Variants in BIRC6 observed in about 807,000 individuals in gnomAD.
BIRC6 encodes dual E2 ubiquitin-conjugating enzyme/E3 ubiquitin-protein ligase BIRC6.
Under a neutral mutation model 503.3 loss-of-function variants are expected in BIRC6, and 98 were observed. The ratio of observed to expected loss-of-function variants is 0.19; its 90% CI spans 0.17 to 0.23. BIRC6 has a LOEUF of 0.23. Among genes scored for constraint, BIRC6 ranks in the 10% least tolerant of loss-of-function variants. BIRC6 has a pLI of 1.00. For missense variants in BIRC6, 5,360 were observed against 5,806.0 expected (o/e 0.92, Z 2.50); for synonymous variants, 2,240 against 2,078.7 (o/e 1.08, Z -2.11).
intron 6 of BIRC6, among the ~76,000 whole-genome samples, chr2:32,399,147 G>A (rs767237595): frequency 2.0e-5 from 3 of 151,644 alleles, no homozygotes; most frequent in South Asian, 2.1e-4. Context: ...GTGCAGTGGC[G>A]CGATCTTGGT....
At position 32,508,232 on chromosome 2, in the gene BIRC6, C is replaced by T; in HGVS notation, c.9953C>T (p.Pro3318Leu). 6.3e-7 allele frequency: 1 copy of T among 1,597,562 alleles called. No homozygotes were observed. Among genetic ancestry groups the T allele is most frequent in the Non-Finnish European group, 8.5e-7 (1 of 1,172,880 alleles). Residue 3318 changes from proline to leucine, a missense_variant, in exon 51 of 74, where the codon CCA (proline) becomes CTA (leucine). Pro to Leu is a moderately conservative substitution (Grantham distance 98, BLOSUM62 -3). Around this residue, in one of 16 missense-constraint regions of BIRC6, gnomAD observed 62 missense variants for 107.4 expected, o/e 0.58. Coordinates refer to ENST00000421745, the MANE Select transcript of BIRC6 (RefSeq NM_016252.4). ...SSATVNNPFL[P>L]SEDQVSKTSI... ...GCAACAGTTAATAATCCATTCCTTC[C>T]ATCTGAAGATCAGGTATCCAAAACA...
At position 32,433,715 on chromosome 2, in the gene BIRC6, A is replaced by C. The variant is rs2044380980; in HGVS notation, c.3320A>C (p.Lys1107Thr). Residue 1107 changes from lysine to threonine, a missense_variant, in exon 13 of 74, where the codon AAA (lysine) becomes ACA (threonine). Lys to Thr is a moderately conservative substitution (Grantham distance 78). Transcript: ENST00000421745. The stretch of plus-strand genomic sequence containing the variant: ...TGTATGGTTGGACATGTGGACTTCA[A>C]ATTCGTTTTGAACTCAAACATCACC... The part of the protein sequence containing the change: ...KACMVGHVDF[K>T]FVLNSNITNI... 1 of 1,606,572 alleles carries C rather than the reference A, an allele frequency of 6.2e-7. No individual in the cohort carries two copies. Among genetic ancestry groups the C allele is most frequent in the Non-Finnish European group, 8.5e-7 (1 of 1,174,764 alleles).
intron 9 of BIRC6, among the ~76,000 whole-genome samples, chr2:32,408,663 C>T (rs1188213587): frequency 6.6e-6 from 1 of 152,026 alleles, no homozygotes; most frequent in African/African-American, 2.4e-5. Context: ...TTCATCTATG[C>T]CTGTTTGATT....
chr2:32,605,363 T>A (rs2062375941), intron 71 of BIRC6, among the ~76,000 whole-genome samples: 1 of 152,170 alleles, frequency 6.6e-6, no homozygotes, highest in Non-Finnish European at 1.5e-5. Flanking sequence ...TATAAAACCA[T>A]ATTGTGTCTC....
chr2:32,573,159 C>G (rs902254747), intron 65 of BIRC6, among the ~76,000 whole-genome samples: 2 of 152,104 alleles, frequency 1.3e-5, no homozygotes, highest in African/African-American at 2.4e-5. Context: ...TTCTTTACTG[C>G]TTATTCCCAG....
intron 66 of BIRC6, among the ~76,000 whole-genome samples, chr2:32,584,100 C>T (rs1045435797): frequency 3.9e-5 from 6 of 152,104 alleles, no homozygotes; most frequent in African/African-American, 1.4e-4. Context: ...AGGCTGGGTG[C>T]GGTGGCTTAC....
At chr2:32,470,964 G>C (rs887264814) in intron 31 of BIRC6, 50 bp from the exon 32 acceptor site, 2 of 1,530,680 alleles carry the variant, frequency 1.3e-6, no homozygotes, top group East Asian at 2.5e-5. Flanking sequence ...ATCTAATTAG[G>C]AATCCTAAAG....
rs527972336 is a variant in BIRC6 at position 32,545,837 on chromosome 2, A to T, written c.12787A>T (p.Asn4263Tyr). Residue 4263 changes from asparagine to tyrosine, a missense_variant, in exon 63 of 74, where the codon AAC (asparagine) becomes TAC (tyrosine). Asn to Tyr is a moderately radical substitution (Grantham distance 143). This residue lies in a region of BIRC6 where 477 missense variants were observed against 574.4 expected (regional missense o/e 0.83). Coordinates refer to ENST00000421745, the MANE Select transcript of BIRC6 (RefSeq NM_016252.4). ...ALSHHSPRVP[N>Y]SSVNQTEPQV... The stretch of plus-strand genomic sequence containing the variant: ...GAGCCACCATTCCCCACGAGTTCCA[A>T]ACTCTAGCGTGAATCAAACTGAGGT... 1.2e-6 allele frequency: 2 copies of T among 1,613,594 alleles called. No homozygotes were observed. Among genetic ancestry groups the T allele is most frequent in the South Asian group, 2.2e-5 (2 of 91,068 alleles).
intron 1 of BIRC6, among the ~76,000 whole-genome samples, chr2:32,369,943 AAAATATATATATAT>A (rs1410767579): frequency 9.3e-5 from 3 of 32,312 alleles, no homozygotes; most frequent in African/African-American, 2.1e-4. Context: ...AAAAAAAAAA[AAAATATATATATAT>A]ATATATATAT....
chr2:32,386,814 G>A (rs531865462), intron 3 of BIRC6, among the ~76,000 whole-genome samples: 4 of 152,068 alleles, frequency 2.6e-5, no homozygotes, highest in Non-Finnish European at 2.9e-5. Flanking sequence ...TAATATCTTT[G>A]TAGAGAAGGA....
Position 32,477,430 on chromosome 2 carries a change from A to G in BIRC6, c.6915A>G (p.Thr2305=), listed in dbSNP as rs762410223. Residue 2305 remains threonine (T), a synonymous_variant, in exon 35 of 74, where the codon ACA becomes ACG. Coordinates refer to ENST00000421745, the MANE Select transcript of BIRC6 (RefSeq NM_016252.4). ...TAEWSRSNLD[T]EVTTAKESPE... ...AATGGTCCCGTTCTAATTTAGACAC[A>G]GAAGTTACAACAGCAAAAGAAAGTC... The G allele has an allele frequency of 2.5e-6, 4 of 1,614,038 alleles. 1 individual carries two copies. The South Asian group carries it at 3.3e-5, about 13-fold the overall frequency.
At chr2:32,452,155 G>A (rs1023802978) in intron 22 of BIRC6, among the ~76,000 whole-genome samples, 1 of 151,982 alleles carries the variant, frequency 6.6e-6, no homozygotes, top group African/African-American at 2.4e-5. Flanking sequence ...ATTTGTGTTG[G>A]GTCAGATGTT....
At chr2:32,602,447 G>C (rs1573315319) in intron 70 of BIRC6, 1 of 152,192 alleles carries the variant, frequency 6.6e-6, no homozygotes, top group Non-Finnish European at 1.5e-5. Context: ...GTAGAGAGGA[G>C]GGAATAGGGA....
chr2:32,478,513 C>G (rs2050024259), intron 35 of BIRC6, 122 bp from the exon 36 acceptor site: 1 of 720,188 alleles, frequency 1.4e-6, no homozygotes, highest in Admixed American at 4.1e-5. Context: ...TTTTTGATAC[C>G]AGACTCATAC....
chr2:32,500,768 G>C (rs544752872), intron 46 of BIRC6, among the ~76,000 whole-genome samples: 1 of 151,926 alleles, frequency 6.6e-6, no homozygotes, highest in South Asian at 2.1e-4. Flanking sequence ...ACCAGGCCTG[G>C]CTGATTTTTT....
At chr2:32,581,343 T>C (rs1015201458) in intron 66 of BIRC6, among the ~76,000 whole-genome samples, 2 of 152,240 alleles carry the variant, frequency 1.3e-5, no homozygotes, top group Admixed American at 1.3e-4. Context: ...TTTTATTAAA[T>C]AAGTCAGTTT....
rs2054902565 is a variant in BIRC6, at chr2:32,515,210, A to G, written c.10789A>G (p.Lys3597Glu). ...DLSSSLTDDSKNAQAPLALTE... is the reference protein window; with the variant it reads ...DLSSSLTDDSENAQAPLALTE... ...TAGTTCATCTTTAACAGATGACTCT[A>G]AAAATGCACAAGCACCTCTCGCATT... is the stretch of plus-strand genomic sequence containing the variant. Residue 3597 changes from lysine (K) to glutamate (E), a missense_variant, in exon 55 of 74, where the codon AAA becomes GAA. Physicochemically the swap from Lys to Glu is moderately conservative, Grantham distance 56. Around this residue, in one of 16 missense-constraint regions of BIRC6, gnomAD observed 878 missense variants for 928.9 expected, o/e 0.95. Transcript: ENST00000421745. 2 of 1,613,834 alleles carry G rather than the reference A, an allele frequency of 1.2e-6. No individual in the cohort carries two copies. The highest frequency in any genetic ancestry group is 1.7e-5 in the Admixed American group (1 of 60,002).
At chr2:32,401,416 T>A (rs1032023539) in intron 7 of BIRC6, 31 bp downstream of exon 7, 3 of 1,612,146 alleles carry the variant, frequency 1.9e-6, no homozygotes, top group South Asian at 1.1e-5. Context: ...AACAAATTAG[T>A]AATTGAAAAA....
intron 37 of BIRC6, among the ~76,000 whole-genome samples, chr2:32,479,829 G>T (rs1406240107): frequency 1.3e-5 from 2 of 152,046 alleles, no homozygotes; most frequent in Non-Finnish European, 2.9e-5. Context: ...TAATTATGTT[G>T]ATATAGTGTG....
Sources: allele counts gnomAD v4.1 joint callset (sites outside exome capture counted in the v4.1 genomes callset), GRCh38; gene constraint gnomAD v4.1.1; regional missense constraint gnomAD v4.1.1; transcripts MANE v1.5; gene names NCBI Gene and HGNC (gene_info 2026-07-23, HGNC 2026-07-21).